GSKIP: variants seen among roughly 807,000 people sequenced by gnomAD.
GSKIP encodes GSK3B interacting protein, also known as GSK3B-interacting protein.
In GSKIP, 5 loss-of-function variants were observed where a neutral mutation model predicts 11.9. The observed-to-expected ratio is 0.42, with a 90% confidence interval of 0.22 to 0.89. The LOEUF is 0.89. GSKIP is among the 40% of genes least tolerant of loss of function. GSKIP has a pLI of 0.29. For synonymous variants in GSKIP, 70 were observed against 62.9 expected (o/e 1.11, Z -0.54); for missense variants, 150 against 166.6 (o/e 0.90, Z 0.55).
chr14:96,380,219 A>C lies in GSKIP; in HGVS notation c.-2+431A>C, dbSNP rs1356609203. ...GTGACTAATTCTGTAAAGTGCTGTGAGAGACGAGATAAAGAGTCTTTAAAA... is the reference window on the plus strand; with the variant it reads ...GTGACTAATTCTGTAAAGTGCTGTGCGAGACGAGATAAAGAGTCTTTAAAA... On this transcript the variant is annotated intron_variant, in intron 2 of 3. Coordinates refer to ENST00000555181, the MANE Select transcript of GSKIP (RefSeq NM_016472.5). The C allele has an allele frequency of 2.6e-5, 4 of 152,232 alleles. No individual in the cohort carries two copies. The East Asian group carries it at 5.8e-4, about 22-fold the overall frequency. 9.4% of individuals were successfully genotyped at this position (152,232 alleles called of 1,614,324 possible).
At chr14:96,372,525 T>A (rs192514926) in intron 1 of GSKIP, among the ~76,000 whole-genome samples, 22 of 151,586 alleles carry the variant, frequency 1.5e-4, no homozygotes, top group African/African-American at 5.4e-4. Flanking sequence ...AAAATAAAAT[T>A]TTTTAAGTTA....
intron 1 of GSKIP, among the ~76,000 whole-genome samples, chr14:96,367,808 A>T (rs1008196636): frequency 6.6e-6 from 1 of 152,230 alleles, no homozygotes; most frequent in Non-Finnish European, 1.5e-5. Flanking sequence ...TTAAGGAATC[A>T]TTTATGGAAA....
intron 1 of GSKIP, among the ~76,000 whole-genome samples, chr14:96,369,790 GC>G (rs1226981315): frequency 2.0e-5 from 3 of 152,108 alleles, no homozygotes; most frequent in Non-Finnish European, 4.4e-5. Context: ...CTAGGACATT[GC>G]CAAGCAGAAA....
intron 1 of GSKIP, among the ~76,000 whole-genome samples, chr14:96,368,149 T>A (rs1888945859): frequency 6.6e-6 from 1 of 151,966 alleles, no homozygotes; most frequent in South Asian, 2.1e-4. Context: ...AGTTTCTGGT[T>A]TCGAAGGAAA....
chr14:96,385,131 A>C (rs1889456299), intron 3 of GSKIP, among the ~76,000 whole-genome samples: 1 of 152,186 alleles, frequency 6.6e-6, no homozygotes, highest in South Asian at 2.1e-4. Context: ...CCCTCAATAT[A>C]TGTGGAATTA....
In GSKIP at chr14:96,382,448, T is replaced by G. The variant is rs1253781118; in HGVS notation, c.201T>G (p.Asn67Lys). ...GTGCGGATGATGTGGCCTATATCAA[T>G]GTGGAAACAAAGGAAAGAAACAGAT... The part of the protein sequence containing the change: ...LRCADDVAYI[N>K]VETKERNRYC... The change falls in exon 3 of 4, where the codon AAT becomes AAG. Residue 67 changes from asparagine (N) to lysine (K), a missense_variant. Asn to Lys is a moderately conservative substitution (Grantham distance 94, BLOSUM62 0). Transcript: ENST00000555181. 6.2e-7 allele frequency: 1 copy of G among 1,612,864 alleles called. No individual in the cohort carries two copies. Among genetic ancestry groups the G allele is most frequent in the Admixed American group, 1.7e-5 (1 of 59,980 alleles).
chr14:96,370,793 T>G (rs1889026251), intron 1 of GSKIP, among the ~76,000 whole-genome samples: 1 of 152,194 alleles, frequency 6.6e-6, no homozygotes, highest in South Asian at 2.1e-4. Flanking sequence ...TGTGGAACGA[T>G]GAGCCAAATA....
At chr14:96,371,961 A>G (rs1889061061) in intron 1 of GSKIP, among the ~76,000 whole-genome samples, 1 of 152,056 alleles carries the variant, frequency 6.6e-6, no homozygotes. Context: ...TCTAAAACGT[A>G]TTTTTCATGC....
intron 1 of GSKIP, chr14:96,365,354 A>G (rs1888849659): frequency 6.6e-6 from 1 of 151,704 alleles, no homozygotes; most frequent in Admixed American, 6.6e-5. Flanking sequence ...TACCTGGAAG[A>G]GTTGTTTTCC....
chr14:96,380,491 A>G (rs1889315973), intron 2 of GSKIP, among the ~76,000 whole-genome samples: 1 of 152,128 alleles, frequency 6.6e-6, no homozygotes, highest in African/African-American at 2.4e-5. Flanking sequence ...AGAGATTTTG[A>G]TTTTGTTTTT....
intron 1 of GSKIP, among the ~76,000 whole-genome samples, chr14:96,376,559 A>G (rs956372840): frequency 1.2e-4 from 18 of 152,216 alleles, no homozygotes; most frequent in African/African-American, 4.3e-4. Context: ...AGACCTCCGT[A>G]AGACCAATGA....
At chr14:96,379,182 T>G (rs1329153022) in intron 1 of GSKIP, 1 of 152,204 alleles carries the variant, frequency 6.6e-6, no homozygotes, top group Non-Finnish European at 1.5e-5. Context: ...GCCGGGTCTG[T>G]AATCCCAGCT....
intron 1 of GSKIP, among the ~76,000 whole-genome samples, chr14:96,370,790 C>T (rs543992412): frequency 7.2e-5 from 11 of 152,278 alleles, no homozygotes; most frequent in South Asian, 4.1e-4. Context: ...GCCTGTGGAA[C>T]GATGAGCCAA....
intron 1 of GSKIP, among the ~76,000 whole-genome samples, chr14:96,365,718 C>T (rs1888862376): frequency 6.6e-6 from 1 of 151,952 alleles, no homozygotes. Context: ...CCTGTAATCC[C>T]AGCTACTTGG....
At chr14:96,381,199 G>T (rs535823468) in intron 2 of GSKIP, among the ~76,000 whole-genome samples, 6 of 152,226 alleles carry the variant, frequency 3.9e-5, no homozygotes, top group African/African-American at 1.4e-4. Context: ...ATATAGCCAG[G>T]AAGATCTTTT....
intron 2 of GSKIP, among the ~76,000 whole-genome samples, chr14:96,381,397 T>C (rs1387558612): frequency 1.3e-5 from 2 of 152,148 alleles, no homozygotes; most frequent in Non-Finnish European, 2.9e-5. Flanking sequence ...ATTTGGAAAA[T>C]AAAGTTATGC....
At chr14:96,382,715 A>G (rs1050262407) in intron 3 of GSKIP, among the ~76,000 whole-genome samples, 1 of 152,086 alleles carries the variant, frequency 6.6e-6, no homozygotes, top group African/African-American at 2.4e-5. Context: ...TTTGAAAAAC[A>G]TTTGATTTGC....
chr14:96,373,872 C>G (rs1051910149), intron 1 of GSKIP, among the ~76,000 whole-genome samples: 1 of 152,170 alleles, frequency 6.6e-6, no homozygotes, highest in Non-Finnish European at 1.5e-5. Context: ...TAAATTTTTT[C>G]TCACCATGCG....
At chr14:96,381,321 G>T (rs558438679) in intron 2 of GSKIP, among the ~76,000 whole-genome samples, 1 of 152,164 alleles carries the variant, frequency 6.6e-6, no homozygotes, top group Non-Finnish European at 1.5e-5. Flanking sequence ...TAACATTTGG[G>T]TCAGTTCAAA....
Sources: gnomAD v4.1 joint callset for allele counts (sites outside exome capture counted in the v4.1 genomes callset) on GRCh38, gnomAD v4.1.1 for gene constraint, MANE v1.5 for transcripts, NCBI Gene and HGNC (gene_info 2026-07-23, HGNC 2026-07-21) for gene names.